The following PLAG1 variants were observed in gnomAD, a reference collection of about 807,000 sequenced individuals.
PLAG1 encodes PLAG1 zinc finger.
In PLAG1, 7 loss-of-function variants were observed where a neutral mutation model predicts 35.5. The observed-to-expected ratio is 0.20, with a 90% CI of 0.11 to 0.37. The LOEUF (loss-of-function observed/expected upper bound fraction) is 0.37. Among genes scored for constraint, PLAG1 ranks in the 10% least tolerant of loss-of-function variants. The probability of loss-of-function intolerance (pLI) is 1.00; values close to 1 mark genes in which losing one functional copy is unlikely to be tolerated. For synonymous variants in PLAG1, 229 were observed against 225.4 expected, an observed-to-expected ratio of 1.02 and a Z score of -0.14; for missense variants, 454 against 602.8, an observed-to-expected ratio of 0.75 and a Z score of 2.58.
chr8:56,161,934 A>G lies in PLAG1; in HGVS notation c.*4309T>C. ...AATAGTTCTGTGTCATTTCTAGGCTAGATAACATCAAAAGACACTGCCTTC... is the reference window on the plus strand; with the variant it reads ...AATAGTTCTGTGTCATTTCTAGGCTGGATAACATCAAAAGACACTGCCTTC... On this transcript the variant is annotated 3_prime_UTR_variant, in exon 5 of 5. Coordinates refer to ENST00000316981, the MANE Select transcript of PLAG1 (RefSeq NM_002655.3). 4.4e-6 allele frequency: 1 copy of G among 227,602 alleles called. No individual in the cohort carries two copies. 14.1% of individuals were successfully genotyped at this position (227,602 alleles called of 1,614,324 possible).
intron 1 of PLAG1, among the ~76,000 whole-genome samples, chr8:56,203,126 A>C (rs1812602567): frequency 6.6e-6 from 1 of 152,164 alleles, no homozygotes; most frequent in Non-Finnish European, 1.5e-5. Flanking sequence ...ATTTGAAAAA[A>C]AACTAATAAA....
At chr8:56,178,176 C>G (rs1811764807) in intron 2 of PLAG1, 1 of 165,288 alleles carries the variant, frequency 6.1e-6, no homozygotes, top group African/African-American at 2.4e-5. Flanking sequence ...AAGAGGGTAT[C>G]CTTCATGTGA....
chr8:56,176,043 TTTC>T (rs1224327159), intron 2 of PLAG1, among the ~76,000 whole-genome samples: 4 of 142,272 alleles, frequency 2.8e-5, no homozygotes, highest in Non-Finnish European at 4.6e-5. Flanking sequence ...CCCTTTTCCT[TTTC>T]TTTTTTTTTT....
chr8:56,197,787 G>A, intron 1 of PLAG1, among the ~76,000 whole-genome samples: 1 of 152,134 alleles, frequency 6.6e-6, no homozygotes, highest in Non-Finnish European at 1.5e-5. Context: ...CCACCCCCAT[G>A]GTAACAGGGC....
At chr8:56,191,270 C>T (rs1812174985) in intron 1 of PLAG1, among the ~76,000 whole-genome samples, 1 of 152,094 alleles carries the variant, frequency 6.6e-6, no homozygotes, top group Non-Finnish European at 1.5e-5. Context: ...CTAGCAGGAG[C>T]CAGCGGTGGC....
chr8:56,188,967 C>T (rs536988171), intron 1 of PLAG1, among the ~76,000 whole-genome samples: 69 of 152,310 alleles, frequency 4.5e-4, no homozygotes, highest in African/African-American at 1.5e-3. Flanking sequence ...CAAGGAAACT[C>T]TTGGTTCTGT....
chr8:56,201,139 C>T (rs971096020), intron 1 of PLAG1, among the ~76,000 whole-genome samples: 1 of 152,114 alleles, frequency 6.6e-6, no homozygotes, highest in Non-Finnish European at 1.5e-5. Flanking sequence ...TGGGACAATA[C>T]CATATACTGT....
intron 1 of PLAG1, chr8:56,209,275 T>G (rs1380106893): frequency 6.6e-6 from 1 of 152,220 alleles, no homozygotes; most frequent in Non-Finnish European, 1.5e-5. Flanking sequence ...AGCAAAGCAA[T>G]GTAACATGAA....
chr8:56,162,642 G>A lies in PLAG1; in HGVS notation c.*3601C>T. 4.8e-6 allele frequency: 1 copy of A among 210,438 alleles called. No homozygotes were observed. Among genetic ancestry groups the A allele is most frequent in the East Asian group, 7.3e-5 (1 of 13,764 alleles). The allele number at this position is 210,438 out of a possible 1,614,324, so 13.0% of individuals were successfully genotyped here. On this transcript the variant is annotated 3_prime_UTR_variant, in exon 5 of 5. Transcript: ENST00000316981. ...TATATCTTGTAATATGTGTAGTATA[G>A]AGGTTGACCAAGCTCTATTTTTTAA... is the stretch of plus-strand genomic sequence containing the variant.
intron 1 of PLAG1, among the ~76,000 whole-genome samples, chr8:56,192,655 G>A (rs1257858376): frequency 1.3e-5 from 2 of 152,184 alleles, no homozygotes; most frequent in Admixed American, 6.5e-5. Context: ...TAACACTACA[G>A]CTATGATAAA....
chr8:56,168,015 T>G lies in PLAG1; in HGVS notation c.242+13A>C. 2 of 1,336,092 alleles carry G rather than the reference T, an allele frequency of 1.5e-6. No homozygotes were observed. Among genetic ancestry groups the G allele is most frequent in the Non-Finnish European group, 2.1e-6 (2 of 949,492 alleles). The allele number at this position is 1,336,092 out of a possible 1,614,324, so 82.8% of individuals were successfully genotyped here. ...GAGAAAATATAATCTGAAAGACAAA[T>G]AGAGTTTAATACCTTTGTAATTTGT... On this transcript the variant is annotated intron_variant, in intron 4 of 4. Coordinates refer to ENST00000316981, the MANE Select transcript of PLAG1 (RefSeq NM_002655.3).
At position 56,167,281 on chromosome 8, in the gene PLAG1, A is replaced by G; in HGVS notation, c.465T>C (p.Cys155=). 1 of 1,614,018 alleles carries G rather than the reference A, an allele frequency of 6.2e-7. No homozygotes were observed. Among genetic ancestry groups the G allele is most frequent in the South Asian group, 1.1e-5 (1 of 91,080 alleles). The change falls in exon 5 of 5, where the codon TGT becomes TGC. Residue 155 remains cysteine, a synonymous_variant. Transcript: ENST00000316981. The surrounding 1 kb of genome is among the most constrained non-coding windows in gnomAD (Gnocchi z 5.9). The part of the protein sequence containing the change: ...ATSGDLTCKV[C]LQTFESTGVL... ...CTCCCGTGCTTTCAAAAGTTTGCAA[A>G]CATACCTTACAGGTGAGGTCACCAC...
chr8:56,180,253 T>C (rs1357358729), intron 1 of PLAG1, among the ~76,000 whole-genome samples: 2 of 152,182 alleles, frequency 1.3e-5, no homozygotes, highest in African/African-American at 4.8e-5. Context: ...TTCATTTCCC[T>C]ACAACAGAGG....
chr8:56,189,897 T>C (rs1216784348), intron 1 of PLAG1, among the ~76,000 whole-genome samples: 1 of 151,704 alleles, frequency 6.6e-6, no homozygotes, highest in African/African-American at 2.4e-5. Context: ...TTAAGGAAAG[T>C]GGTGGGAAGG....
intron 2 of PLAG1, among the ~76,000 whole-genome samples, chr8:56,175,719 A>G (rs1244523849): frequency 6.6e-6 from 1 of 152,206 alleles, no homozygotes; most frequent in East Asian, 1.9e-4. Flanking sequence ...GATAATAAAA[A>G]CTAATTGAGA....
rs1811337544 is a variant in PLAG1, at chr8:56,165,857, CT to C, written c.*385del. 1 of 198,798 alleles carries C rather than the reference CT, an allele frequency of 5.0e-6. No homozygotes were observed. The highest frequency in any genetic ancestry group is 6.0e-5 in the Admixed American group (1 of 16,636). The allele number at this position is 198,798 out of a possible 1,614,324, so 12.3% of individuals were successfully genotyped here. On this transcript the variant is annotated 3_prime_UTR_variant, in exon 5 of 5. Transcript: ENST00000316981. The stretch of plus-strand genomic sequence containing the variant: ...TTTTTATACAATTTACATTCTATTG[CT>C]AAATTTTTTAATGAGCCAGATGTCA...
rs941715224 is a variant in PLAG1, at chr8:56,163,564, T to A, written c.*2679A>T. On this transcript the variant is annotated 3_prime_UTR_variant, in exon 5 of 5. Coordinates refer to ENST00000316981, the MANE Select transcript of PLAG1 (RefSeq NM_002655.3). ...CTGGGGGTGGGAACAGGCAAAGAGG[T>A]GTACACATGAAAATTAAGACTCCAA... 1 of 199,418 alleles carries A rather than the reference T, an allele frequency of 5.0e-6. No individual in the cohort carries two copies. Among genetic ancestry groups the A allele is most frequent in the Non-Finnish European group, 1.0e-5 (1 of 96,372 alleles). 12.4% of individuals were successfully genotyped at this position (199,418 alleles called of 1,614,324 possible).
At chr8:56,208,764 G>A (rs1028394797) in intron 1 of PLAG1, among the ~76,000 whole-genome samples, 2 of 152,064 alleles carry the variant, frequency 1.3e-5, no homozygotes, top group Admixed American at 6.6e-5. Flanking sequence ...TTTAAATTTT[G>A]AAAATATCGT....
intron 1 of PLAG1, among the ~76,000 whole-genome samples, chr8:56,195,575 G>A (rs949699011): frequency 6.6e-6 from 1 of 152,208 alleles, no homozygotes; most frequent in African/African-American, 2.4e-5. Context: ...TGGTGGTGGA[G>A]CCACGACCCA....
Sources: gnomAD v4.1 joint callset for allele counts (sites outside exome capture counted in the v4.1 genomes callset) on GRCh38, gnomAD v4.1.1 for gene constraint, Gnocchi (gnomAD v3.1) non-coding constraint, MANE v1.5 for transcripts, NCBI Gene and HGNC (gene_info 2026-07-23, HGNC 2026-07-21) for gene names.